DPP10: variants seen among roughly 807,000 people sequenced by gnomAD.
DPP10 encodes the protein inactive dipeptidyl peptidase 10.
Under a neutral mutation model 120.9 loss-of-function variants are expected in DPP10, and 33 were observed. That is an observed-to-expected ratio of 0.27 (90% CI 0.21 to 0.37). DPP10 has a LOEUF of 0.37. Ranked by LOEUF, DPP10 falls within the 10% of genes least tolerant of loss-of-function variation. DPP10 has a pLI of 1.00. For synonymous variants in DPP10, 337 were observed against 326.1 expected, an observed-to-expected ratio of 1.03 and a Z score of -0.36; for missense variants, 816 against 942.8, an observed-to-expected ratio of 0.87 and a Z score of 1.76.
intron 5 of DPP10, among the ~76,000 whole-genome samples, chr2:115,591,489 A>C (rs187308781): frequency 5.3e-5 from 8 of 151,736 alleles, no homozygotes; most frequent in Admixed American, 4.6e-4. Context: ...ATTTCTGCAG[A>C]CTCTGTTCTG....
At chr2:114,862,101 A>G (rs1357871089) in intron 1 of DPP10, among the ~76,000 whole-genome samples, 3 of 152,174 alleles carry the variant, frequency 2.0e-5, no homozygotes, top group Non-Finnish European at 4.4e-5. Flanking sequence ...CAAACCCAGA[A>G]TTTTATTACC....
At chr2:115,245,992 C>T (rs1342205554) in intron 1 of DPP10, among the ~76,000 whole-genome samples, 1 of 151,932 alleles carries the variant, frequency 6.6e-6, no homozygotes, top group Non-Finnish European at 1.5e-5. Flanking sequence ...CAATGAGCTC[C>T]AAAAGTTGTG....
intron 5 of DPP10, among the ~76,000 whole-genome samples, chr2:115,611,026 G>A (rs544005989): frequency 2.6e-5 from 4 of 152,160 alleles, no homozygotes; most frequent in African/African-American, 9.6e-5. Context: ...ATATCAGACT[G>A]ATGTATCTTG....
intron 1 of DPP10, among the ~76,000 whole-genome samples, chr2:115,126,759 G>T (rs561739437): frequency 6.6e-6 from 1 of 152,092 alleles, no homozygotes; most frequent in East Asian, 1.9e-4. Flanking sequence ...ACAGGCATTT[G>T]TACTAATTAC....
intron 1 of DPP10, among the ~76,000 whole-genome samples, chr2:115,043,020 A>G (rs1704783851): frequency 6.6e-6 from 1 of 152,202 alleles, no homozygotes. Flanking sequence ...TATCTGACCA[A>G]GGCCAAAATC....
intron 1 of DPP10, among the ~76,000 whole-genome samples, chr2:114,945,392 A>C (rs902102570): frequency 6.6e-6 from 1 of 152,252 alleles, no homozygotes; most frequent in Non-Finnish European, 1.5e-5. Flanking sequence ...TTCAACAATA[A>C]GGAAACAATC....
chr2:115,132,501 C>T (rs547604767), intron 1 of DPP10, among the ~76,000 whole-genome samples: 11 of 152,042 alleles, frequency 7.2e-5, no homozygotes, highest in South Asian at 2.1e-4. Context: ...TCGGGATGTG[C>T]TTTCTGTCAT....
In DPP10 at chr2:114,882,913, T is replaced by C. The variant is rs1691763923; in HGVS notation, c.61-426326T>C. 1.3e-5 allele frequency among the ~76,000 whole-genome samples: 2 copies of C among 152,194 alleles called. 1 individual carries two copies. Among genetic ancestry groups the C allele is most frequent in the South Asian group, 4.1e-4 (2 of 4,834 alleles). On this transcript the variant is annotated intron_variant, in intron 1 of 25. Coordinates refer to ENST00000410059, the MANE Select transcript of DPP10 (RefSeq NM_020868.6). ...GCATTCACAATTTCTATAGTTTACT[T>C]TCCTGATGTCTAAAGCTAAAAGAGA...
intron 1 of DPP10, among the ~76,000 whole-genome samples, chr2:115,170,903 A>G (rs2053267987): frequency 6.6e-6 from 1 of 152,022 alleles, no homozygotes; most frequent in Non-Finnish European, 1.5e-5. Context: ...ACACATTTCT[A>G]TTTGCTCAGC....
intron 3 of DPP10, among the ~76,000 whole-genome samples, chr2:115,382,021 G>T (rs2066417949): frequency 6.6e-6 from 1 of 152,238 alleles, no homozygotes; most frequent in East Asian, 1.9e-4. Context: ...TCTGTGCCCT[G>T]CCCCCAGAGG....
chr2:115,551,705 C>T (rs1169525456), intron 5 of DPP10, among the ~76,000 whole-genome samples: 1 of 152,084 alleles, frequency 6.6e-6, no homozygotes, highest in Non-Finnish European at 1.5e-5. Flanking sequence ...CATATACTGT[C>T]AAACTATGGG....
intron 1 of DPP10, among the ~76,000 whole-genome samples, chr2:114,446,115 C>G (rs1014161964): frequency 6.6e-6 from 1 of 152,154 alleles, no homozygotes; most frequent in African/African-American, 2.4e-5. Flanking sequence ...TTATTATAAA[C>G]GTGATTTCTG....
At chr2:114,912,860 T>C (rs527253876) in intron 1 of DPP10, among the ~76,000 whole-genome samples, 1 of 152,248 alleles carries the variant, frequency 6.6e-6, no homozygotes, top group South Asian at 2.1e-4. Context: ...GAGACAGAAT[T>C]GTAGCCTGTG....
chr2:115,753,360 G>A, intron 11 of DPP10, 63 bp downstream of exon 11: 1 of 1,446,530 alleles, frequency 6.9e-7, no homozygotes, highest in Non-Finnish European at 9.2e-7. Context: ...TTTACAAAGG[G>A]GAAACAGGAA....
At chr2:115,322,739 T>G (rs1235364746) in intron 2 of DPP10, among the ~76,000 whole-genome samples, 1 of 152,222 alleles carries the variant, frequency 6.6e-6, no homozygotes, top group African/African-American at 2.4e-5. Flanking sequence ...ACTATTCCAA[T>G]AAAGCAAATC....
chr2:115,452,483 G>T (rs1324288491), intron 3 of DPP10, among the ~76,000 whole-genome samples: 1 of 151,770 alleles, frequency 6.6e-6, no homozygotes, highest in East Asian at 1.9e-4. Flanking sequence ...TGCCTTCTGG[G>T]TATAAATGCT....
chr2:115,591,514 ATC>A (rs1431242740), intron 5 of DPP10, among the ~76,000 whole-genome samples: 2 of 152,044 alleles, frequency 1.3e-5, no homozygotes, highest in African/African-American at 4.8e-5. Flanking sequence ...ATTGGTCTAT[ATC>A]TCTGTTTTGG....
chr2:115,451,038 C>G (rs1376485854), intron 3 of DPP10, among the ~76,000 whole-genome samples: 1 of 151,846 alleles, frequency 6.6e-6, no homozygotes, highest in Non-Finnish European at 1.5e-5. Flanking sequence ...ACACAAATTA[C>G]AAACCTTCTA....
intron 11 of DPP10, among the ~76,000 whole-genome samples, chr2:115,756,251 C>T (rs548872091): frequency 7.9e-5 from 12 of 152,164 alleles, no homozygotes; most frequent in African/African-American, 2.9e-4. Flanking sequence ...GGATTAAGTT[C>T]TAGTGTTCTG....
Sources: gnomAD v4.1 joint callset for allele counts (sites outside exome capture counted in the v4.1 genomes callset) on GRCh38, gnomAD v4.1.1 for gene constraint, MANE v1.5 for transcripts, NCBI Gene and HGNC (gene_info 2026-07-23, HGNC 2026-07-21) for gene names.